The following RBFOX1 variants were observed in gnomAD, a reference collection of about 807,000 sequenced individuals.
The protein encoded by RBFOX1 is RNA binding fox-1 homolog 1.
Under a neutral mutation model 57.7 loss-of-function variants are expected in RBFOX1, and 8 were observed. The observed-to-expected ratio is 0.14, with a 90% CI of 0.08 to 0.25. RBFOX1 has a LOEUF of 0.25. Among genes scored for constraint, RBFOX1 ranks in the 10% least tolerant of loss-of-function variants. The pLI is 1.00. For synonymous variants in RBFOX1, 326 were observed against 222.4 expected, an observed-to-expected ratio of 1.47 and a Z score of -4.15; for missense variants, 611 against 548.5, an observed-to-expected ratio of 1.11 and a Z score of -1.14.
Position 7,686,942 on chromosome 16 carries a change from A to C in RBFOX1, c.995+10104A>C, listed in dbSNP as rs545845983. On this transcript the variant is annotated intron_variant, in intron 14 of 15. Coordinates refer to ENST00000550418, the MANE Select transcript of RBFOX1 (RefSeq NM_018723.4). ...CAAAACTCAGATCTTTTTTTGGTAG[A>C]ATAGCCAAACTGGGGAGAGATTCAC... Among the ~76,000 whole-genome samples, 3 of 152,182 alleles carry C rather than the reference A, an allele frequency of 2.0e-5. No homozygotes were observed. In the East Asian group the frequency reaches 5.8e-4, roughly 29 times the overall value.
intron 1 of RBFOX1, among the ~76,000 whole-genome samples, chr16:5,409,785 C>T (rs2066965669): frequency 6.6e-6 from 1 of 151,586 alleles, no homozygotes; most frequent in Non-Finnish European, 1.5e-5. Flanking sequence ...GGTGGTGGCT[C>T]ACACCGGTAA....
chr16:7,304,156 G>A (rs1412301961), intron 4 of RBFOX1: 4 of 965,112 alleles, frequency 4.1e-6, no homozygotes, highest in African/African-American at 1.8e-5. Context: ...AGGAGGGACC[G>A]GCGGGGTGCG....
At chr16:5,257,696 C>A (rs1358737926) in intron 1 of RBFOX1, among the ~76,000 whole-genome samples, 2 of 152,294 alleles carry the variant, frequency 1.3e-5, no homozygotes, top group Admixed American at 1.3e-4. Flanking sequence ...TGAAGCAAGG[C>A]GCATGGGTCG....
intron 3 of RBFOX1, among the ~76,000 whole-genome samples, chr16:5,812,802 C>T (rs1014937597): frequency 2.6e-5 from 4 of 152,010 alleles, no homozygotes; most frequent in East Asian, 1.9e-4. Flanking sequence ...CAGGTATATA[C>T]GGGTATATGA....
chr16:5,712,991 C>T (rs2051551286), intron 3 of RBFOX1, among the ~76,000 whole-genome samples: 1 of 152,054 alleles, frequency 6.6e-6, no homozygotes, highest in Non-Finnish European at 1.5e-5. Flanking sequence ...GTAGTACATG[C>T]TGGTGGTTAA....
intron 1 of RBFOX1, among the ~76,000 whole-genome samples, chr16:6,190,316 T>C (rs1032688525): frequency 1.3e-5 from 2 of 152,196 alleles, no homozygotes; most frequent in East Asian, 1.9e-4. Context: ...TAAGTAGTAA[T>C]GTTAGGATGT....
At chr16:7,419,654 C>A (rs1455357004) in intron 4 of RBFOX1, among the ~76,000 whole-genome samples, 5 of 152,190 alleles carry the variant, frequency 3.3e-5, no homozygotes, top group East Asian at 1.9e-4. Context: ...CATGACAGTT[C>A]TTTTATCTTT....
intron 1 of RBFOX1, among the ~76,000 whole-genome samples, chr16:5,426,981 G>A (rs577863147): frequency 3.9e-5 from 6 of 152,210 alleles, no homozygotes; most frequent in South Asian, 2.1e-4. Flanking sequence ...AATTCATATC[G>A]GCTTCCAGCT....
intron 3 of RBFOX1, among the ~76,000 whole-genome samples, chr16:6,977,975 G>T (rs922122328): frequency 7.0e-6 from 1 of 143,310 alleles, no homozygotes; most frequent in South Asian, 2.2e-4. Flanking sequence ...TCCCAATGTG[G>T]CTGAATGTGT....
chr16:7,000,978 ATT>A (rs2092738535), intron 3 of RBFOX1, among the ~76,000 whole-genome samples: 2 of 152,030 alleles, frequency 1.3e-5, no homozygotes, highest in African/African-American at 4.8e-5. Flanking sequence ...CTTTTTGGAA[ATT>A]TTTATCAGTC....
At chr16:5,972,280 G>C (rs917062706) in intron 4 of RBFOX1, among the ~76,000 whole-genome samples, 1 of 152,078 alleles carries the variant, frequency 6.6e-6, no homozygotes, top group Non-Finnish European at 1.5e-5. Context: ...TTGCTAAGTG[G>C]ATTCCTAGAA....
At chr16:5,730,107 G>T (rs112419493) in intron 3 of RBFOX1, among the ~76,000 whole-genome samples, 7 of 152,200 alleles carry the variant, frequency 4.6e-5, no homozygotes, top group African/African-American at 1.2e-4. Flanking sequence ...TTACCTGTCA[G>T]TGTGTCTGGG....
chr16:6,687,580 C>T (rs896778023), intron 3 of RBFOX1, among the ~76,000 whole-genome samples: 1 of 152,174 alleles, frequency 6.6e-6, no homozygotes, highest in Non-Finnish European at 1.5e-5. Context: ...TTATTTCTTG[C>T]CACATAAAAT....
At chr16:7,557,139 G>C (rs981017789) in intron 5 of RBFOX1, among the ~76,000 whole-genome samples, 2 of 152,116 alleles carry the variant, frequency 1.3e-5, no homozygotes, top group African/African-American at 4.8e-5. Flanking sequence ...AGGGAACTGA[G>C]GTACCATGGA....
intron 3 of RBFOX1, among the ~76,000 whole-genome samples, chr16:6,972,117 C>T (rs902965813): frequency 2.0e-5 from 3 of 152,188 alleles, no homozygotes; most frequent in African/African-American, 4.8e-5. Context: ...CACACAACAT[C>T]TAACCATCTT....
rs8044570 is a variant in RBFOX1 at position 6,479,484 on chromosome 16, A to T, written c.-64+162427A>T. On this transcript the variant is annotated intron_variant, in intron 2 of 15. Coordinates refer to ENST00000550418, the MANE Select transcript of RBFOX1 (RefSeq NM_018723.4). Reference sequence around the variant, plus strand: ...ACACCTGTAGTCCCAGCTACTCGGGAGGCTGAGGCAGGAAAATCACTTGAA... The same window carrying T: ...ACACCTGTAGTCCCAGCTACTCGGGTGGCTGAGGCAGGAAAATCACTTGAA... Among the ~76,000 whole-genome samples the T allele has an allele frequency of 6.1e-3, 921 of 152,210 alleles. 12 individuals carry two copies. Among genetic ancestry groups the T allele is most frequent in the African/African-American group, 0.021 (883 of 41,538 alleles).
intron 3 of RBFOX1, among the ~76,000 whole-genome samples, chr16:5,808,496 C>A (rs13338926): frequency 0.11 from 17,026 of 152,130 alleles, 3,098 homozygotes; most frequent in African/African-American, 0.38. Context: ...TTGAATCTAT[C>A]AATTACCTTG....
intron 3 of RBFOX1, among the ~76,000 whole-genome samples, chr16:6,937,549 A>G (rs1234399818): frequency 6.6e-6 from 1 of 152,188 alleles, no homozygotes; most frequent in Non-Finnish European, 1.5e-5. Context: ...ATAGTGGTCA[A>G]GGCACAGCCT....
intron 10 of RBFOX1, among the ~76,000 whole-genome samples, chr16:7,617,448 G>C (rs932163238): frequency 6.6e-6 from 1 of 151,902 alleles, no homozygotes; most frequent in Admixed American, 6.6e-5. Context: ...TCCCTACTTT[G>C]CTGAGCTTGG....
Sources: gnomAD v4.1 joint callset for allele counts (sites outside exome capture counted in the v4.1 genomes callset) on GRCh38, gnomAD v4.1.1 for gene constraint, MANE v1.5 for transcripts, NCBI Gene and HGNC (gene_info 2026-07-23, HGNC 2026-07-21) for gene names.